Variants in PAAF1 observed in about 807,000 individuals in gnomAD.
PAAF1 encodes proteasomal ATPase-associated factor 1.
In PAAF1, 46 loss-of-function variants were observed where a neutral mutation model predicts 52.8. That is an observed-to-expected ratio of 0.87 (90% confidence interval 0.69 to 1.11). The LOEUF is 1.11. Ranked by LOEUF, PAAF1 falls within the 50% of genes most tolerant of loss-of-function variation. The pLI is 0.00. For missense variants in PAAF1, 424 were observed against 477.4 expected, an observed-to-expected ratio of 0.89 and a Z score of 1.04; for synonymous variants, 178 against 172.8, an observed-to-expected ratio of 1.03 and a Z score of -0.24.
At chr11:73,885,956 G>A (rs1949047688) in intron 2 of PAAF1, among the ~76,000 whole-genome samples, 1 of 151,886 alleles carries the variant, frequency 6.6e-6, no homozygotes, top group Non-Finnish European at 1.5e-5. Context: ...ATAAATGAAT[G>A]TAGCACCCTG....
rs973174308 is a variant in PAAF1 at position 73,929,574 on chromosome 11, C to T, written c.*2212C>T. On this transcript the variant is annotated 3_prime_UTR_variant, in exon 12 of 12. Transcript: ENST00000310571. ...TTAAATACCAGAGGCTTCATTTGGA[C>T]CTTGGACAGCACCTTCTGCTGCACT... 2 of 152,162 alleles carry T rather than the reference C, an allele frequency of 1.3e-5. No individual in the cohort carries two copies. Among genetic ancestry groups the T allele is most frequent in the Non-Finnish European group, 2.9e-5 (2 of 68,036 alleles). 9.4% of individuals were successfully genotyped at this position (152,162 alleles called of 1,614,324 possible).
chr11:73,887,284 T>C (rs1306802288), intron 2 of PAAF1, 70 bp from the exon 3 acceptor site: 6 of 1,130,938 alleles, frequency 5.3e-6, no homozygotes, highest in East Asian at 2.5e-5. Flanking sequence ...GATGCCTGAA[T>C]TGGGTCTTCA....
chr11:73,916,256 G>A (rs1043509114), intron 8 of PAAF1, among the ~76,000 whole-genome samples: 3 of 152,154 alleles, frequency 2.0e-5, no homozygotes, highest in Non-Finnish European at 4.4e-5. Flanking sequence ...AATTTTGGTG[G>A]TGAGGATCCT....
chr11:73,877,655 A>G (rs1948780601), intron 1 of PAAF1, among the ~76,000 whole-genome samples: 1 of 152,184 alleles, frequency 6.6e-6, no homozygotes, highest in East Asian at 1.9e-4. Flanking sequence ...GAAAACTGAG[A>G]TTGGTGGATC....
At chr11:73,911,346 C>A (rs1027617593) in intron 7 of PAAF1, among the ~76,000 whole-genome samples, 1 of 152,116 alleles carries the variant, frequency 6.6e-6, no homozygotes, top group Non-Finnish European at 1.5e-5. Flanking sequence ...CTACACCTAG[C>A]TACTTTTTTT....
At chr11:73,913,035 C>T (rs1026661762) in intron 7 of PAAF1, among the ~76,000 whole-genome samples, 1 of 152,184 alleles carries the variant, frequency 6.6e-6, no homozygotes, top group African/African-American at 2.4e-5. Flanking sequence ...CACTACCATG[C>T]CTGGCTATTT....
rs34435466 is a variant in PAAF1 at position 73,929,055 on chromosome 11, AT to A, written c.*1705del. On this transcript the variant is annotated 3_prime_UTR_variant, in exon 12 of 12. Transcript: ENST00000310571. ...TTTTTAAAGGCGTATTCTCATGTAA[AT>A]TTTTTTTTTTTAAAGACAGGGTCTT... is the stretch of plus-strand genomic sequence containing the variant. The A allele has an allele frequency of 0.073, 10,773 of 146,672 alleles. 459 individuals are homozygous for A. Among genetic ancestry groups the A allele is most frequent in the Middle Eastern group, 0.11 (31 of 276 alleles). The allele number at this position is 146,672 out of a possible 1,614,324, so 9.1% of individuals were successfully genotyped here. A position where few individuals can be genotyped will look rare whatever the true frequency, so the allele number is the denominator to read the frequency against.
intron 3 of PAAF1, among the ~76,000 whole-genome samples, chr11:73,890,722 A>G (rs1057078954): frequency 6.6e-6 from 1 of 152,156 alleles, no homozygotes; most frequent in Non-Finnish European, 1.5e-5. Flanking sequence ...GAGTTTCCTT[A>G]TATCTCTTTA....
chr11:73,899,408 CTTT>C (rs71065053), intron 5 of PAAF1, among the ~76,000 whole-genome samples, 164 bp downstream of exon 5: 2 of 101,198 alleles, frequency 2.0e-5, no homozygotes, highest in Non-Finnish European at 2.0e-5. Flanking sequence ...TTCTTTTTCT[CTTT>C]TTTTTTTTTT....
chr11:73,887,415 G>T lies in PAAF1; in HGVS notation c.150G>T (p.Glu50Asp). Residue 50 changes from glutamate (E) to aspartate (D), a missense_variant, in exon 3 of 12, where the codon GAG becomes GAT. Glu to Asp is a conservative substitution (Grantham distance 45). Coordinates refer to ENST00000310571, the MANE Select transcript of PAAF1 (RefSeq NM_025155.3). ...GAATTGGCCTAGATGGCATCCCAGA[G>T]GTTACAGCTTCAGAAGGATTTACTG... is the stretch of plus-strand genomic sequence containing the variant. ...CQGIGLDGIP[E>D]VTASEGFTVN... 4 of 1,611,208 alleles carry T rather than the reference G, an allele frequency of 2.5e-6. No homozygotes were observed. The highest frequency in any genetic ancestry group is 1.7e-4 in the Middle Eastern group (1 of 6,048).
At chr11:73,900,709 G>A (rs1389441934) in intron 6 of PAAF1, among the ~76,000 whole-genome samples, 8 of 152,096 alleles carry the variant, frequency 5.3e-5, no homozygotes, top group African/African-American at 1.7e-4. Context: ...CTGGCCGGGC[G>A]CGGTGGCTCA....
intron 9 of PAAF1, 32 bp downstream of exon 9, chr11:73,916,692 C>T (rs1456408206): frequency 1.3e-6 from 2 of 1,502,332 alleles, no homozygotes; most frequent in African/African-American, 2.8e-5. Flanking sequence ...TGATGCAGGT[C>T]TTCTGCAGAG....
At chr11:73,899,727 C>T (rs934319369) in intron 5 of PAAF1, among the ~76,000 whole-genome samples, 4 of 152,068 alleles carry the variant, frequency 2.6e-5, no homozygotes, top group African/African-American at 9.7e-5. Flanking sequence ...GCTGTCAATT[C>T]GAGAACCTTT....
At chr11:73,898,056 G>A (rs995682418) in intron 4 of PAAF1, among the ~76,000 whole-genome samples, 20 of 152,264 alleles carry the variant, frequency 1.3e-4, no homozygotes, top group African/African-American at 4.6e-4. Flanking sequence ...GGCGGCGCGC[G>A]CCTGCAATTG....
In PAAF1 at chr11:73,916,528, C is replaced by A; in HGVS notation, c.820-17C>A. 1 of 1,551,914 alleles carries A rather than the reference C, an allele frequency of 6.4e-7. No homozygotes were observed. The highest frequency in any genetic ancestry group is 8.8e-7 in the Non-Finnish European group (1 of 1,134,018). On this transcript the variant is annotated splice_polypyrimidine_tract_variant and intron_variant, in intron 8 of 11. Coordinates refer to ENST00000310571, the MANE Select transcript of PAAF1 (RefSeq NM_025155.3). ...ATTAATCTTTAAACAGCATTTTTGC[C>A]TCCTACTTGTTCCCAGGTGTTCCTC...
At chr11:73,923,172 A>C (rs1331238677) in intron 10 of PAAF1, among the ~76,000 whole-genome samples, 1 of 152,102 alleles carries the variant, frequency 6.6e-6, no homozygotes, top group Non-Finnish European at 1.5e-5. Flanking sequence ...GGTGATTTTT[A>C]ATAGTAATGC....
chr11:73,912,245 G>A (rs546208452), intron 7 of PAAF1, among the ~76,000 whole-genome samples: 1 of 152,238 alleles, frequency 6.6e-6, no homozygotes, highest in East Asian at 1.9e-4. Flanking sequence ...CAAAGTTCAT[G>A]TAAAGCATAG....
At chr11:73,922,207 G>T in intron 10 of PAAF1, 1 of 783,646 alleles carries the variant, frequency 1.3e-6, no homozygotes, top group Non-Finnish European at 2.2e-6. Flanking sequence ...GTGGCGCCCG[G>T]GTTTCAACCC....
chr11:73,880,665 T>G, intron 2 of PAAF1: 1 of 115,546 alleles, frequency 8.7e-6, no homozygotes, highest in African/African-American at 3.4e-5. Flanking sequence ...CCAGCTTGGA[T>G]GACTGAGCAA....
Sources: gnomAD v4.1 joint callset for allele counts (sites outside exome capture counted in the v4.1 genomes callset) on GRCh38, gnomAD v4.1.1 for gene constraint, MANE v1.5 for transcripts, NCBI Gene and HGNC (gene_info 2026-07-23, HGNC 2026-07-21) for gene names.